The following SCN4A variants were observed in gnomAD, a reference collection of about 807,000 sequenced individuals.
SCN4A encodes the protein sodium channel protein type 4 subunit alpha.
A neutral mutation model predicts 162.0 loss-of-function variants in SCN4A; 83 were observed. That is an observed-to-expected ratio of 0.51 (90% CI 0.43 to 0.61). The LOEUF is 0.61. SCN4A is among the 20% of genes least tolerant of loss of function. The pLI, the probability that SCN4A is intolerant of heterozygous loss-of-function variation, is 0.00. For missense variants in SCN4A, 2,196 were observed against 2,462.5 expected (o/e 0.89, Z 2.29); for synonymous variants, 944 against 985.1 (o/e 0.96, Z 0.78).
chr17:63,947,007 C>CCAA, intron 18 of SCN4A, 38 bp downstream of exon 18: 7 of 1,371,056 alleles, frequency 5.1e-6, no homozygotes, highest in Non-Finnish European at 7.2e-6. Context: ...GCCGGTCCCC[C>CCAA]ATCCCCAGCC....
At chr17:63,952,189 CTTTTTTTTCT>C (rs1908934880) in intron 13 of SCN4A, among the ~76,000 whole-genome samples, 1 of 150,806 alleles carries the variant, frequency 6.6e-6, no homozygotes, top group African/African-American at 2.4e-5. Context: ...CATGACTGTC[CTTTTTTTTCT>C]TTTTTTTTTT....
At position 63,945,207 on chromosome 17, in the gene SCN4A, G is replaced by C; in HGVS notation, c.3721-147C>G. ...GGGCTAGCATCAAATAAAGACCAGA[G>C]AGGTCTAGACACTGCCTGGGGATCC... On this transcript the variant is annotated intron_variant, in intron 19 of 23. Transcript: ENST00000435607. This position sits in a 1 kb window ranked among gnomAD's most constrained non-coding sequence, Gnocchi z 4.4. 5 of 1,017,976 alleles carry C rather than the reference G, an allele frequency of 4.9e-6. No homozygotes were observed. In the South Asian group the frequency reaches 6.0e-5, roughly 12 times the overall value. 63.1% of individuals were successfully genotyped at this position (1,017,976 alleles called of 1,614,324 possible).
chr17:63,963,485 T>C (rs1223763239), intron 10 of SCN4A, among the ~76,000 whole-genome samples, 187 bp downstream of exon 10: 2 of 152,228 alleles, frequency 1.3e-5, no homozygotes, highest in Admixed American at 1.3e-4. Context: ...ATATAGCCAT[T>C]TCTTCTATGC....
chr17:63,964,346 C>A (rs972408326), intron 9 of SCN4A, 122 bp downstream of exon 9: 55 of 784,706 alleles, frequency 7.0e-5, no homozygotes, highest in Non-Finnish European at 1.1e-4. Flanking sequence ...GCTCCTTCTG[C>A]CTCAAAACCC....
In SCN4A at chr17:63,959,247, C is replaced by A; in HGVS notation, c.2019+18G>T. 6.2e-7 allele frequency: 1 copy of A among 1,602,332 alleles called. No individual in the cohort carries two copies. The highest frequency in any genetic ancestry group is 8.5e-7 in the Non-Finnish European group (1 of 1,171,184). Reference sequence around the variant, plus strand: ...CCCCACCCCCATCCCAGCCCCTGGCCCTGGGGCTTTTGTGTACCAGACGGA... The same window carrying A: ...CCCCACCCCCATCCCAGCCCCTGGCACTGGGGCTTTTGTGTACCAGACGGA... On this transcript the variant is annotated intron_variant, in intron 12 of 23. Transcript: ENST00000435607.
intron 18 of SCN4A, among the ~76,000 whole-genome samples, chr17:63,946,362 G>A (rs188321098): frequency 6.6e-6 from 1 of 152,066 alleles, no homozygotes; most frequent in South Asian, 2.1e-4. Flanking sequence ...GGGCCGCTTG[G>A]GGGGGCTCGC....
In SCN4A at chr17:63,941,277, C is replaced by A. The variant is rs1184036433; in HGVS notation, c.5005G>T (p.Val1669Leu). Reference protein sequence around the residue: ...IKLITLDLPMVPGDKIHCLDI... With the variant: ...IKLITLDLPMLPGDKIHCLDI... Reference sequence around the variant, plus strand: ...AGGCAGTGGATCTTGTCCCCTGGCACCATGGGCAAGTCCAGTGTGATGAGC... The same window carrying A: ...AGGCAGTGGATCTTGTCCCCTGGCAACATGGGCAAGTCCAGTGTGATGAGC... Residue 1669 changes from valine to leucine, a missense_variant, in exon 24 of 24, where the codon GTG becomes TTG. Coordinates refer to ENST00000435607, the MANE Select transcript of SCN4A (RefSeq NM_000334.4). The surrounding 1 kb of genome is among the most constrained non-coding windows in gnomAD (Gnocchi z 6.2). 3 of 1,613,804 alleles carry A rather than the reference C, an allele frequency of 1.9e-6. No individual in the cohort carries two copies. Among genetic ancestry groups the A allele is most frequent in the Non-Finnish European group, 2.5e-6 (3 of 1,179,890 alleles).
chr17:63,956,182 T>C (rs73326341), intron 13 of SCN4A, among the ~76,000 whole-genome samples: 11,957 of 152,304 alleles, frequency 0.079, 1,165 homozygotes, highest in African/African-American at 0.23. Context: ...TGAACCACAG[T>C]AAGCGGCAGA....
chr17:63,945,242 G>T lies in SCN4A; in HGVS notation c.3720+118C>A. On this transcript the variant is annotated intron_variant, in intron 19 of 23. Coordinates refer to ENST00000435607, the MANE Select transcript of SCN4A (RefSeq NM_000334.4). The surrounding 1 kb of genome is among the most constrained non-coding windows in gnomAD (Gnocchi z 4.4). ...CACTGCCTGGGGATCCCACAGCATT[G>T]GAAGCAGGGTGGGCGGTCCCCTAAC... 9.7e-7 allele frequency: 1 copy of T among 1,030,926 alleles called. No individual in the cohort carries two copies. The highest frequency in any genetic ancestry group is 1.5e-6 in the Non-Finnish European group (1 of 688,288). 63.9% of individuals were successfully genotyped at this position (1,030,926 alleles called of 1,614,324 possible). A position where few individuals can be genotyped will look rare whatever the true frequency, so the allele number is the denominator to read the frequency against.
Position 63,957,221 on chromosome 17 carries a change from C to T in SCN4A, c.2317G>A (p.Ala773Thr). ...IETMWDCMEV[A>T]GQAMCLTVFL... is the part of the protein sequence containing the mutation. ...ACGGTGAGGCACATGGCTTGGCCGGCCACCTCCATGCAGTCCCACATGGTC... is the reference window on the plus strand; with the variant it reads ...ACGGTGAGGCACATGGCTTGGCCGGTCACCTCCATGCAGTCCCACATGGTC... Residue 773 changes from alanine (A) to threonine (T), a missense_variant, in exon 13 of 24, where the codon GCC becomes ACC. Coordinates refer to ENST00000435607, the MANE Select transcript of SCN4A (RefSeq NM_000334.4). The T allele has an allele frequency of 6.2e-7, 1 of 1,601,236 alleles. No homozygotes were observed. Among genetic ancestry groups the T allele is most frequent in the Non-Finnish European group, 8.6e-7 (1 of 1,169,508 alleles).
At chr17:63,948,138 T>C in intron 16 of SCN4A, 75 bp from the exon 17 acceptor site, 1 of 1,261,136 alleles carries the variant, frequency 7.9e-7, no homozygotes, top group Non-Finnish European at 1.1e-6. Flanking sequence ...TGCCCTGCTC[T>C]ATGCTGCTGG....
chr17:63,942,514 G>T (rs1411372744), intron 23 of SCN4A, among the ~76,000 whole-genome samples: 1 of 152,224 alleles, frequency 6.6e-6, no homozygotes, highest in Non-Finnish European at 1.5e-5. Context: ...ATAAGCACAC[G>T]CATGACTGTG....
chr17:63,968,938 C>T (rs906487921), intron 5 of SCN4A, among the ~76,000 whole-genome samples: 3 of 152,218 alleles, frequency 2.0e-5, no homozygotes, highest in Non-Finnish European at 2.9e-5. Flanking sequence ...CTCCTGGGTT[C>T]AAGTGATTCT....
rs371546500 is a variant in SCN4A, at chr17:63,945,447, G to T, written c.3633C>A (p.Ser1211Arg). Residue 1211 changes from serine to arginine, a missense_variant, in exon 19 of 24, where the codon AGC (serine) becomes AGA (arginine). Coordinates refer to ENST00000435607, the MANE Select transcript of SCN4A (RefSeq NM_000334.4). The surrounding 1 kb of genome is among the most constrained non-coding windows in gnomAD (Gnocchi z 4.4). ...SEVNNKSECE[S>R]LMHTGQVRWL... ...AGCGGACCTGGCCTGTGTGCATGAG[G>T]CTCTCGCACTCAGACTTGTTGTTGA... 7 of 1,613,628 alleles carry T rather than the reference G, an allele frequency of 4.3e-6. No homozygotes were observed. The African/African-American group carries it at 9.3e-5, about 22-fold the overall frequency.
At position 63,951,858 on chromosome 17, in the gene SCN4A, C is replaced by T. The variant is rs770694096; in HGVS notation, c.2419G>A (p.Ala807Thr). 71 of 1,557,192 alleles carry T rather than the reference C, an allele frequency of 4.6e-5. 1 individual carries two copies. The highest frequency in any genetic ancestry group is 3.2e-4 in the South Asian group (27 of 85,456). ...TCATCCGAGGCTGCCAGACTGTCGGCGCTGAAGGAGCTCAGCAGCAGAGCC... is the reference window on the plus strand; with the variant it reads ...TCATCCGAGGCTGCCAGACTGTCGGTGCTGAAGGAGCTCAGCAGCAGAGCC... Reference protein sequence around the residue: ...FLALLLSSFSADSLAASDEDG... With the variant: ...FLALLLSSFSTDSLAASDEDG... Residue 807 changes from alanine (A) to threonine (T), a missense_variant, in exon 14 of 24, where the codon GCC becomes ACC. Physicochemically the swap from Ala to Thr is moderately conservative, Grantham distance 58 (BLOSUM62 0). Transcript: ENST00000435607. This position sits in a 1 kb window ranked among gnomAD's most constrained non-coding sequence, Gnocchi z 4.5.
chr17:63,950,076 G>A lies in SCN4A; in HGVS notation c.2854-548C>T, dbSNP rs1018106479. ...GGAACCTGATCAGTGTTGGGAGCGG[G>A]AGTGGGGGAGGCGGGTGCTCCAGCC... On this transcript the variant is annotated intron_variant, in intron 14 of 23. Coordinates refer to ENST00000435607, the MANE Select transcript of SCN4A (RefSeq NM_000334.4). The surrounding 1 kb of genome is among the most constrained non-coding windows in gnomAD (Gnocchi z 4.6). Among the ~76,000 whole-genome samples the A allele has an allele frequency of 6.6e-6, 1 of 152,128 alleles. No individual in the cohort carries two copies. Among genetic ancestry groups the A allele is most frequent in the African/African-American group, 2.4e-5 (1 of 41,420 alleles).
chr17:63,963,567 A>G, intron 10 of SCN4A, 105 bp downstream of exon 10: 1 of 1,268,396 alleles, frequency 7.9e-7, no homozygotes, highest in Non-Finnish European at 1.0e-6. Context: ...GAATGGGTAG[A>G]GGGGGCACAG....
chr17:63,968,338 C>G lies in SCN4A; in HGVS notation c.721G>C (p.Gly241Arg), dbSNP rs1357030323. Reference sequence around the variant, plus strand: ...TTTTTCACCGACTGGATCAGGGCCCCCACGATCGTCTTCAGCCCTGACCGC... The same window carrying G: ...TTTTTCACCGACTGGATCAGGGCCCGCACGATCGTCTTCAGCCCTGACCGC... Reference protein sequence around the residue: ...TVIPGLKTIVGALIQSVKKLS... With the variant: ...TVIPGLKTIVRALIQSVKKLS... Residue 241 changes from glycine to arginine, a missense_variant, in exon 6 of 24, where the codon GGG becomes CGG. Physicochemically the swap from Gly to Arg is moderately radical, Grantham distance 125. Coordinates refer to ENST00000435607, the MANE Select transcript of SCN4A (RefSeq NM_000334.4). 6.2e-7 allele frequency: 1 copy of G among 1,600,188 alleles called. No individual in the cohort carries two copies. Among genetic ancestry groups the G allele is most frequent in the African/African-American group, 1.3e-5 (1 of 74,742 alleles).
At position 63,951,554 on chromosome 17, in the gene SCN4A, T is replaced by C; in HGVS notation, c.2723A>G (p.Glu908Gly). The stretch of plus-strand genomic sequence containing the variant: ...GTTGATGAAGTTAAGGTGGTCCAGC[T>C]CGAGGCTGGATGGGGGGCCGTCAGC... Reference protein sequence around the residue: ...GLADGPPSSLELDHLNFINNP... With the variant: ...GLADGPPSSLGLDHLNFINNP... The change falls in exon 14 of 24, where the codon GAG becomes GGG. Residue 908 changes from glutamate (E) to glycine (G), a missense_variant. By Grantham distance (98) the Glu-to-Gly change is moderately conservative. Transcript: ENST00000435607. The surrounding 1 kb of genome is among the most constrained non-coding windows in gnomAD (Gnocchi z 4.5). 1 of 1,613,918 alleles carries C rather than the reference T, an allele frequency of 6.2e-7. No individual in the cohort carries two copies. Among genetic ancestry groups the C allele is most frequent in the Non-Finnish European group, 8.5e-7 (1 of 1,179,848 alleles).
Sources: allele counts gnomAD v4.1 joint callset (sites outside exome capture counted in the v4.1 genomes callset), GRCh38; gene constraint gnomAD v4.1.1; non-coding constraint Gnocchi (gnomAD v3.1); transcripts MANE v1.5; gene names NCBI Gene and HGNC (gene_info 2026-07-23, HGNC 2026-07-21).